The following PRR5 variants were observed in gnomAD, a reference collection of about 807,000 sequenced individuals.
PRR5 encodes proline-rich protein 5.
PRR5 carries 25 observed loss-of-function variants against 30.6 expected under a neutral mutation model. The ratio of observed to expected loss-of-function variants is 0.82; its 90% CI spans 0.60 to 1.14. The LOEUF (loss-of-function observed/expected upper bound fraction) is 1.14. Among genes scored for constraint, PRR5 ranks in the 50% most tolerant of loss-of-function variants. The probability of loss-of-function intolerance (pLI) is 0.00; values close to 1 mark genes in which losing one functional copy is unlikely to be tolerated. For missense variants in PRR5, 600 were observed against 547.1 expected (o/e 1.10, Z -0.96); for synonymous variants, 286 against 247.1 (o/e 1.16, Z -1.48).
chr22:44,702,913 C>G (rs2147008112), intron 1 of PRR5, among the ~76,000 whole-genome samples: 1 of 152,356 alleles, frequency 6.6e-6, no homozygotes, highest in Non-Finnish European at 1.5e-5. Context: ...TACCCGGGGT[C>G]TTTCCACGTC....
At chr22:44,734,622 A>T (rs1922851703) in intron 6 of PRR5, 1 of 181,268 alleles carries the variant, frequency 5.5e-6, no homozygotes, top group Non-Finnish European at 1.2e-5. Context: ...ACCTGGCCCC[A>T]TGGGGCAGGG....
intron 1 of PRR5, among the ~76,000 whole-genome samples, chr22:44,705,364 T>G (rs117981685): frequency 0.015 from 2,212 of 152,206 alleles, 25 homozygotes; most frequent in East Asian, 0.039. Flanking sequence ...TTCACTCTTG[T>G]CCAGGCTGGA....
At chr22:44,708,033 C>T (rs921420444) in intron 1 of PRR5, among the ~76,000 whole-genome samples, 1 of 152,058 alleles carries the variant, frequency 6.6e-6, no homozygotes, top group African/African-American at 2.4e-5. Flanking sequence ...CTGTCTTCAG[C>T]CTACAAATGG....
chr22:44,688,698 A>C (rs78944209), intron 1 of PRR5, among the ~76,000 whole-genome samples: 4,181 of 152,096 alleles, frequency 0.027, 202 homozygotes, highest in African/African-American at 0.096. Flanking sequence ...ATTACATCCT[A>C]TATATGGCCA....
At position 44,702,417 on chromosome 22, in the gene PRR5, G is replaced by A; in HGVS notation, c.-58G>A. 8.0e-7 allele frequency: 1 copy of A among 1,248,616 alleles called. No homozygotes were observed. Among genetic ancestry groups the A allele is most frequent in the Non-Finnish European group, 1.0e-6 (1 of 995,268 alleles). The allele number at this position is 1,248,616 out of a possible 1,614,324, so 77.3% of individuals were successfully genotyped here. A position where few individuals can be genotyped will look rare whatever the true frequency, so the allele number is the denominator to read the frequency against. On this transcript the variant is annotated 5_prime_UTR_variant, in exon 1 of 8. The change creates a new upstream start codon in the 5' untranslated region. Transcript: ENST00000336985. ...GCCGGCCCGGGGCCCTTGGTGCGGC[G>A]TGGCGCAGGGCGCGGCGTGGGGCGC...
chr22:44,729,730 T>C (rs1192225827), intron 4 of PRR5: 1 of 985,326 alleles, frequency 1.0e-6, no homozygotes, highest in African/African-American at 1.7e-5. Context: ...TCCTGGCCTC[T>C]CGTCACCGTG....
chr22:44,701,198 C>T (rs535720641), upstream of PRR5, among the ~76,000 whole-genome samples: 26 of 152,294 alleles, frequency 1.7e-4, no homozygotes, highest in African/African-American at 6.0e-4. Context: ...TTATATGGGG[C>T]CCTCCCAGCT....
chr22:44,690,698 C>T (rs112553159), intron 1 of PRR5, among the ~76,000 whole-genome samples: 22 of 152,320 alleles, frequency 1.4e-4, no homozygotes, highest in African/African-American at 5.3e-4. Context: ...CTGAATCGCA[C>T]TTTACTACCC....
chr22:44,736,716 AGG>A, intron 7 of PRR5, 54 bp from the exon 8 acceptor site: 1 of 1,509,828 alleles, frequency 6.6e-7, no homozygotes, highest in South Asian at 1.3e-5. Context: ...GCAGGTGCCA[AGG>A]CGGGCGGGGA....
intron 1 of PRR5, among the ~76,000 whole-genome samples, chr22:44,689,232 C>T (rs1925026555): frequency 6.6e-6 from 1 of 152,128 alleles, no homozygotes; most frequent in Admixed American, 6.6e-5. Context: ...GGGGACCTTA[C>T]CGGATCCTGC....
upstream of PRR5, among the ~76,000 whole-genome samples, chr22:44,676,110 G>T (rs143481912): frequency 6.6e-6 from 1 of 152,036 alleles, no homozygotes; most frequent in East Asian, 1.9e-4. Flanking sequence ...AAGGCTGGGC[G>T]CAGTGGCTCA....
At chr22:44,701,447 C>T (rs557840822), upstream of PRR5, among the ~76,000 whole-genome samples, 1 of 152,368 alleles carries the variant, frequency 6.6e-6, no homozygotes, top group South Asian at 2.1e-4. Flanking sequence ...CTCTACCTCA[C>T]GGAAGTAGTT....
chr22:44,711,772 A>C (rs180777068), intron 1 of PRR5, among the ~76,000 whole-genome samples: 154 of 152,232 alleles, frequency 1.0e-3, no homozygotes, highest in African/African-American at 3.5e-3. Context: ...GACAGTGGCC[A>C]GGAGTACCTC....
At chr22:44,674,440 A>C (rs1246626430), upstream of PRR5, among the ~76,000 whole-genome samples, 1 of 151,940 alleles carries the variant, frequency 6.6e-6, no homozygotes, top group Non-Finnish European at 1.5e-5. Context: ...GTTCAAGACC[A>C]GGCCGGGTAC....
chr22:44,710,030 C>A (rs1927918718), intron 1 of PRR5, among the ~76,000 whole-genome samples: 1 of 152,322 alleles, frequency 6.6e-6, no homozygotes, highest in South Asian at 2.1e-4. Flanking sequence ...ACCCGCCGCC[C>A]CTCCCAACCC....
chr22:44,714,643 G>A lies in PRR5; in HGVS notation c.187G>A (p.Glu63Lys). The change falls in exon 2 of 8, where the codon GAG becomes AAG. Residue 63 changes from glutamate to lysine, a missense_variant. Transcript: ENST00000336985. The part of the protein sequence containing the change: ...VFQRKGLPDQ[E>K]LFSLNEGVRQ... ...CCAGCGCAAGGGGCTGCCCGACCAG[G>A]AGCTCTTCAGCCTCAACGAGGGCGT... is the stretch of plus-strand genomic sequence containing the variant. 1.2e-6 allele frequency: 2 copies of A among 1,613,860 alleles called. No homozygotes were observed. Among genetic ancestry groups the A allele is most frequent in the Non-Finnish European group, 1.7e-6 (2 of 1,180,016 alleles).
At chr22:44,729,129 C>T (rs1215344199) in intron 4 of PRR5, among the ~76,000 whole-genome samples, 1 of 152,212 alleles carries the variant, frequency 6.6e-6, no homozygotes, top group African/African-American at 2.4e-5. Flanking sequence ...GGAATCCAAA[C>T]CCGGTATGGG....
In PRR5 at chr22:44,732,336, C is replaced by T; in HGVS notation, c.500C>T (p.Ala167Val). The T allele has an allele frequency of 6.2e-7, 1 of 1,612,122 alleles. No homozygotes were observed. Among genetic ancestry groups the T allele is most frequent in the Non-Finnish European group, 8.5e-7 (1 of 1,179,934 alleles). Residue 167 changes from alanine (A) to valine (V), a missense_variant, in exon 6 of 8, where the codon GCC becomes GTC. Coordinates refer to ENST00000336985, the MANE Select transcript of PRR5 (RefSeq NM_181333.4). ...TLSVKLEDAL[A>V]RAHARVPPAI... ...AGTGTGAAGCTAGAGGATGCGCTGGCCCGGGCCCATGCCCGTGTGCCCCCT... is the reference window on the plus strand; with the variant it reads ...AGTGTGAAGCTAGAGGATGCGCTGGTCCGGGCCCATGCCCGTGTGCCCCCT...
chr22:44,722,765 TC>T (rs1930129663), intron 2 of PRR5, among the ~76,000 whole-genome samples: 1 of 152,184 alleles, frequency 6.6e-6, no homozygotes, highest in Admixed American at 6.5e-5. Context: ...TTTGTCACCC[TC>T]TGACTCCTGG....
Sources: allele counts gnomAD v4.1 joint callset (sites outside exome capture counted in the v4.1 genomes callset), GRCh38; gene constraint gnomAD v4.1.1; transcripts MANE v1.5; gene names NCBI Gene and HGNC (gene_info 2026-07-23, HGNC 2026-07-21).